SLC16A1: variants seen among roughly 807,000 people sequenced by gnomAD.
SLC16A1 encodes the protein solute carrier family 16 member 1, also known as monocarboxylate transporter 1.
Under a neutral mutation model 32.2 loss-of-function variants are expected in SLC16A1, and 11 were observed. That is an observed-to-expected ratio of 0.34 (90% CI 0.21 to 0.56). The LOEUF is 0.56. Among genes scored for constraint, SLC16A1 ranks in the 20% least tolerant of loss-of-function variants. The probability of loss-of-function intolerance (pLI) is 0.87; values close to 1 mark genes in which losing one functional copy is unlikely to be tolerated. For synonymous variants in SLC16A1, 231 were observed against 226.8 expected, an observed-to-expected ratio of 1.02 and a Z score of -0.17; for missense variants, 435 against 615.0, an observed-to-expected ratio of 0.71 and a Z score of 3.10.
At chr1:112,955,497 G>A (rs900170914) in intron 1 of SLC16A1, 5 of 152,336 alleles carry the variant, frequency 3.3e-5, no homozygotes, top group African/African-American at 1.2e-4. Flanking sequence ...CTTGGCTGTG[G>A]GGAATGCGGC....
intron 2 of SLC16A1, chr1:112,923,636 G>C: frequency 6.9e-7 from 1 of 1,441,272 alleles, no homozygotes; most frequent in South Asian, 1.1e-5. Flanking sequence ...TCCAGCTGGA[G>C]ACGTCACTGA....
chr1:112,917,541 T>C lies in SLC16A1; in HGVS notation c.865A>G (p.Lys289Glu). 1.2e-6 allele frequency: 2 copies of C among 1,614,154 alleles called. No individual in the cohort carries two copies. The highest frequency in any genetic ancestry group is 1.7e-6 in the Non-Finnish European group (2 of 1,180,032). Reference protein sequence around the residue: ...APLVFLSSYGKSQHYSSEKSA... With the variant: ...APLVFLSSYGESQHYSSEKSA... ...TTCTCACTAGAATAATGCTGACTCT[T>C]CCCATAACTACTAAGAAACACCAAA... Residue 289 changes from lysine to glutamate, a missense_variant, in exon 4 of 5, where the codon AAG becomes GAG. Around this residue, in one of 2 missense-constraint regions of SLC16A1, gnomAD observed 324 missense variants for 500.3 expected, o/e 0.65. Transcript: ENST00000369626. This position sits in a 1 kb window ranked among gnomAD's most constrained non-coding sequence, Gnocchi z 4.1.
At position 112,914,127 on chromosome 1, in the gene SLC16A1, A is replaced by T. The variant is rs921694434; in HGVS notation, c.1267T>A (p.Tyr423Asn). 1.6e-5 allele frequency: 26 copies of T among 1,614,088 alleles called. No homozygotes were observed. The highest frequency in any genetic ancestry group is 2.2e-5 in the Non-Finnish European group (26 of 1,180,030). ...ATTAGGACGACGCCACATGCCCAGT[A>T]TGTGTATTTGTAGTCTCCATACATG... The part of the protein sequence containing the change: ...NDMYGDYKYT[Y>N]WACGVVLIIS... The change falls in exon 5 of 5, where the codon TAC (tyrosine) becomes AAC (asparagine). Residue 423 changes from tyrosine to asparagine, a missense_variant. By Grantham distance (143) the Tyr-to-Asn change is moderately radical. Around this residue, in one of 2 missense-constraint regions of SLC16A1, gnomAD observed 111 missense variants for 114.7 expected, o/e 0.97. Coordinates refer to ENST00000369626, the MANE Select transcript of SLC16A1 (RefSeq NM_003051.4).
intron 1 of SLC16A1, among the ~76,000 whole-genome samples, chr1:112,945,002 T>TA (rs2101648641): frequency 6.6e-6 from 1 of 150,942 alleles, no homozygotes; most frequent in East Asian, 2.0e-4. Flanking sequence ...CTCTTTTTTT[T>TA]TTTTTTTTTT....
intron 1 of SLC16A1, among the ~76,000 whole-genome samples, chr1:112,940,125 G>C (rs527429385): frequency 6.8e-6 from 1 of 147,184 alleles, no homozygotes; most frequent in East Asian, 2.0e-4. Flanking sequence ...CCTCACTGTA[G>C]CTCCTGGGCT....
At chr1:112,919,007 T>C (rs1648615102) in intron 3 of SLC16A1, among the ~76,000 whole-genome samples, 2 of 94,194 alleles carry the variant, frequency 2.1e-5, no homozygotes, top group South Asian at 6.7e-4. Context: ...AATGTACTAA[T>C]TTATTTTATT....
chr1:112,945,674 CAA>C (rs1034887310), intron 1 of SLC16A1, among the ~76,000 whole-genome samples: 2 of 95,036 alleles, frequency 2.1e-5, no homozygotes, highest in Non-Finnish European at 2.2e-5. Context: ...GACTCGGCCT[CAA>C]AAAAAAAAAA....
chr1:112,947,089 G>GAA (rs1649731118), intron 1 of SLC16A1, among the ~76,000 whole-genome samples: 1 of 152,192 alleles, frequency 6.6e-6, no homozygotes, highest in Non-Finnish European at 1.5e-5. Flanking sequence ...ATGTCATGGA[G>GAA]AAAAGAAAGC....
intron 2 of SLC16A1, chr1:112,924,296 T>A: frequency 7.0e-7 from 1 of 1,420,536 alleles, no homozygotes; most frequent in Non-Finnish European, 1.0e-6. Flanking sequence ...AGGCCTTTAA[T>A]CAAGCCTGGC....
chr1:112,922,316 A>G, intron 2 of SLC16A1, 183 bp from the exon 3 acceptor site: 1 of 631,876 alleles, frequency 1.6e-6, no homozygotes, highest in East Asian at 2.8e-5. Context: ...AAACATAATT[A>G]ATTGTGCAGG....
intron 1 of SLC16A1, among the ~76,000 whole-genome samples, chr1:112,933,061 T>C (rs563078181): frequency 1.9e-4 from 29 of 152,272 alleles, no homozygotes; most frequent in African/African-American, 6.7e-4. Flanking sequence ...GTATGAGATA[T>C]GTACACTGAA....
At position 112,917,321 on chromosome 1, in the gene SLC16A1, A is replaced by G. The variant is rs1648547947; in HGVS notation, c.1085T>C (p.Phe362Ser). The change falls in exon 4 of 5, where the codon TTC (phenylalanine) becomes TCC (serine). Residue 362 changes from phenylalanine to serine, a missense_variant. Coordinates refer to ENST00000369626, the MANE Select transcript of SLC16A1 (RefSeq NM_003051.4). This position sits in a 1 kb window ranked among gnomAD's most constrained non-coding sequence, Gnocchi z 4.1. ...TYVGFCVYAG[F>S]FGFAFGWLSS... ...GAGCCACCCGAAGGCAAATCCAAAGAATCCCGCATAGACACAGAATCCAAC... is the reference window on the plus strand; with the variant it reads ...GAGCCACCCGAAGGCAAATCCAAAGGATCCCGCATAGACACAGAATCCAAC... 6.2e-7 allele frequency: 1 copy of G among 1,614,098 alleles called. No homozygotes were observed. Among genetic ancestry groups the G allele is most frequent in the African/African-American group, 1.3e-5 (1 of 74,940 alleles).
intron 1 of SLC16A1, among the ~76,000 whole-genome samples, chr1:112,931,440 G>A (rs1429248693): frequency 6.6e-6 from 1 of 151,972 alleles, no homozygotes; most frequent in Non-Finnish European, 1.5e-5. Flanking sequence ...GAGATCAGGA[G>A]TTCGAGACCA....
chr1:112,916,982 C>T (rs1162550174), intron 4 of SLC16A1, 196 bp downstream of exon 4: 4 of 731,666 alleles, frequency 5.5e-6, no homozygotes, highest in Non-Finnish European at 9.2e-6. Flanking sequence ...CCCCTTTTGC[C>T]TTGATGGTTC....
chr1:112,950,361 G>C (rs555572396), intron 1 of SLC16A1, among the ~76,000 whole-genome samples: 10 of 152,310 alleles, frequency 6.6e-5, no homozygotes, highest in African/African-American at 2.4e-4. Context: ...GCAGTGTATA[G>C]ACTTTCATTC....
rs1014668931 is a variant in SLC16A1, at chr1:112,913,769, T to C, written c.*122A>G. 2 of 1,225,664 alleles carry C rather than the reference T, an allele frequency of 1.6e-6. No individual in the cohort carries two copies. Among genetic ancestry groups the C allele is most frequent in the East Asian group, 4.6e-5 (2 of 43,052 alleles). The allele number at this position is 1,225,664 out of a possible 1,614,324, so 75.9% of individuals were successfully genotyped here. A position where few individuals can be genotyped will look rare whatever the true frequency, so the allele number is the denominator to read the frequency against. On this transcript the variant is annotated 3_prime_UTR_variant, in exon 5 of 5. Transcript: ENST00000369626. ...AAAAATCCCATCAATGAACAACTGG[T>C]ATGATTTCCACACAAATGTCTACTA...
intron 3 of SLC16A1, among the ~76,000 whole-genome samples, chr1:112,921,002 G>A (rs1427322554): frequency 6.6e-6 from 1 of 151,958 alleles, no homozygotes; most frequent in Non-Finnish European, 1.5e-5. Flanking sequence ...TTAGCCAGGC[G>A]TGGTGGCGGG....
At chr1:112,948,135 G>A (rs943022914) in intron 1 of SLC16A1, among the ~76,000 whole-genome samples, 5 of 152,060 alleles carry the variant, frequency 3.3e-5, no homozygotes, top group South Asian at 4.1e-4. Flanking sequence ...CAAGAGAATC[G>A]CTTGAACCCA....
intron 1 of SLC16A1, among the ~76,000 whole-genome samples, chr1:112,950,202 G>A (rs1183636145): frequency 6.6e-6 from 1 of 152,122 alleles, no homozygotes; most frequent in African/African-American, 2.4e-5. Flanking sequence ...AGACCTTAGG[G>A]GATCAATATG....
Sources: allele counts gnomAD v4.1 joint callset (sites outside exome capture counted in the v4.1 genomes callset), GRCh38; gene constraint gnomAD v4.1.1; regional missense constraint gnomAD v4.1.1; non-coding constraint Gnocchi (gnomAD v3.1); transcripts MANE v1.5; gene names NCBI Gene and HGNC (gene_info 2026-07-23, HGNC 2026-07-21).